MRPL16: variants seen among roughly 807,000 people sequenced by gnomAD.
The protein encoded by MRPL16 is large ribosomal subunit protein uL16m.
Under a neutral mutation model 22.7 loss-of-function variants are expected in MRPL16, and 17 were observed. The observed-to-expected ratio is 0.75, with a 90% CI of 0.51 to 1.12. MRPL16 has a LOEUF of 1.12. Ranked by LOEUF, MRPL16 falls within the 50% of genes most tolerant of loss-of-function variation. The pLI is 0.00. For synonymous variants in MRPL16, 103 were observed against 112.8 expected (o/e 0.91, Z 0.55); for missense variants, 316 against 328.7 (o/e 0.96, Z 0.30).
At chr11:59,810,506 G>C (rs1239435323) in intron 1 of MRPL16, 98 bp downstream of exon 1, 1 of 1,569,794 alleles carries the variant, frequency 6.4e-7, no homozygotes, top group Non-Finnish European at 8.7e-7. Flanking sequence ...GCTTCACCAA[G>C]CATATGCAGA....
rs1468474970 is a variant in MRPL16 at position 59,808,850 on chromosome 11, CAT to C, written c.121+1003_122-1002del. On this transcript the variant is annotated intron_variant, in intron 2 of 3. Coordinates refer to ENST00000300151, the MANE Select transcript of MRPL16 (RefSeq NM_017840.4). ...TGGGTGGGCAAAACTTCAGGCCAGACATGTGACATCTTCTTTATCATCCTTAC... is the reference window on the plus strand; with the variant it reads ...TGGGTGGGCAAAACTTCAGGCCAGACGTGACATCTTCTTTATCATCCTTAC... 30 of 152,316 alleles carry C rather than the reference CAT, an allele frequency of 2.0e-4. No individual in the cohort carries two copies. The South Asian group carries it at 2.5e-3, about 13-fold the overall frequency. The allele number at this position is 152,316 out of a possible 1,614,324, so 9.4% of individuals were successfully genotyped here.
At chr11:59,810,560 A>T (rs745476888) in intron 1 of MRPL16, 44 bp downstream of exon 1, 5 of 1,611,384 alleles carry the variant, frequency 3.1e-6, no homozygotes, top group South Asian at 1.1e-5. Context: ...AGGGTGGGGG[A>T]GGAAGAGGGG....
At position 59,806,322 on chromosome 11, in the gene MRPL16, T is replaced by C; in HGVS notation, c.*25A>G. 6.2e-7 allele frequency: 1 copy of C among 1,607,114 alleles called. No individual in the cohort carries two copies. The highest frequency in any genetic ancestry group is 2.2e-5 in the East Asian group (1 of 44,714). ...ATGCAGAATCCTTCTTTCAGTAGCC[T>C]ATATACAGTTATCTCCTACACTCAC... On this transcript the variant is annotated 3_prime_UTR_variant, in exon 4 of 4. Transcript: ENST00000300151.
chr11:59,810,220 G>C, intron 1 of MRPL16: 2 of 998,816 alleles, frequency 2.0e-6, no homozygotes, highest in Non-Finnish European at 1.3e-6. Context: ...TGTTGGCCAG[G>C]CTGGTTTCAA....
At chr11:59,810,456 G>T (rs185773717) in intron 1 of MRPL16, 148 bp downstream of exon 1, 3 of 1,485,062 alleles carry the variant, frequency 2.0e-6, no homozygotes, top group East Asian at 4.7e-5. Context: ...GAACCCCTAC[G>T]GTGGAGGTCG....
chr11:59,807,645 G>C, intron 3 of MRPL16, 56 bp downstream of exon 3: 1 of 1,548,478 alleles, frequency 6.5e-7, no homozygotes, highest in Non-Finnish European at 8.7e-7. Context: ...AGGAGTATGA[G>C]ATTTTGTTAT....
intron 3 of MRPL16, chr11:59,807,141 T>C: frequency 3.2e-6 from 1 of 314,128 alleles, no homozygotes; most frequent in Non-Finnish European, 5.9e-6. Flanking sequence ...GTGGAGGCCC[T>C]GGCACAGCAG....
chr11:59,810,589 A>C lies in MRPL16; in HGVS notation c.55+15T>G, dbSNP rs1866164090. The C allele has an allele frequency of 6.2e-7, 1 of 1,614,070 alleles. No individual in the cohort carries two copies. Among genetic ancestry groups the C allele is most frequent in the East Asian group, 2.2e-5 (1 of 44,876 alleles). Reference sequence around the variant, plus strand: ...AGAGGGGTAAAGTCTTTAGGAACCAAAAGGGACTTCTGACCTGACAAGGGC... The same window carrying C: ...AGAGGGGTAAAGTCTTTAGGAACCACAAGGGACTTCTGACCTGACAAGGGC... On this transcript the variant is annotated intron_variant, in intron 1 of 3. Transcript: ENST00000300151.
Position 59,810,739 on chromosome 11 carries a change from T to G in MRPL16, c.-81A>C. On this transcript the variant is annotated 5_prime_UTR_variant, in exon 1 of 4. Coordinates refer to ENST00000300151, the MANE Select transcript of MRPL16 (RefSeq NM_017840.4). ...ACCCAGGTAAGCAGCGGCGCTCCAC[T>G]ACCTAGCTGTAATCGGCTCAGGACA... The G allele has an allele frequency of 6.6e-7, 1 of 1,526,572 alleles. No homozygotes were observed. Among genetic ancestry groups the G allele is most frequent in the Non-Finnish European group, 9.1e-7 (1 of 1,104,238 alleles). 94.6% of individuals were successfully genotyped at this position (1,526,572 alleles called of 1,614,324 possible).
chr11:59,807,549 C>A, intron 3 of MRPL16, 152 bp downstream of exon 3: 1 of 670,090 alleles, frequency 1.5e-6, no homozygotes. Flanking sequence ...TTACTGGGTA[C>A]CCAGTAGCCT....
chr11:59,810,639 C>T lies in MRPL16; in HGVS notation c.20G>A (p.Arg7His). The T allele has an allele frequency of 1.2e-6, 2 of 1,614,146 alleles. No individual in the cohort carries two copies. The highest frequency in any genetic ancestry group is 1.7e-6 in the Non-Finnish European group (2 of 1,179,984). Residue 7 changes from arginine to histidine, a missense_variant, in exon 1 of 4, where the codon CGC (arginine) becomes CAC (histidine). Transcript: ENST00000300151. MWRLLA[R>H]ASAPLLRVPL... is the part of the protein sequence containing the mutation. ...CACCCGCAGGAGCGGCGCACTAGCG[C>T]GAGCCAGCAGCCTCCACATGGTCAC...
Position 59,806,677 on chromosome 11 carries a change from T to C in MRPL16, c.426A>G (p.Gly142=). ...CGTAGTGGTCAATAGCACCTTTGCC[T>C]CCCCCCATGCGATGCCCAACACTTT... ...TRKSVGHRMG[G]GKGAIDHYVT... The change falls in exon 4 of 4, where the codon GGA becomes GGG. Residue 142 remains glycine (G), a synonymous_variant. Transcript: ENST00000300151. The C allele has an allele frequency of 6.2e-7, 1 of 1,614,046 alleles. No individual in the cohort carries two copies. Among genetic ancestry groups the C allele is most frequent in the Non-Finnish European group, 8.5e-7 (1 of 1,180,014 alleles).
rs1261478159 is a variant in MRPL16 at position 59,806,702 on chromosome 11, T to C, written c.401A>G (p.Lys134Arg). ...VPAPFKPITR[K>R]SVGHRMGGGK... ...TCCCCCCATGCGATGCCCAACACTT[T>C]TGCGAGTGATGGGCTTGAAAGGGGC... Residue 134 changes from lysine to arginine, a missense_variant, in exon 4 of 4, where the codon AAA becomes AGA. Physicochemically the swap from Lys to Arg is conservative, Grantham distance 26. Coordinates refer to ENST00000300151, the MANE Select transcript of MRPL16 (RefSeq NM_017840.4). 6.2e-7 allele frequency: 1 copy of C among 1,614,204 alleles called. No homozygotes were observed. Among genetic ancestry groups the C allele is most frequent in the Non-Finnish European group, 8.5e-7 (1 of 1,180,034 alleles).
Position 59,806,206 on chromosome 11 carries a change from T to G in MRPL16, c.*141A>C. The G allele has an allele frequency of 1.1e-6, 1 of 897,642 alleles. No homozygotes were observed. The highest frequency in any genetic ancestry group is 1.7e-6 in the Non-Finnish European group (1 of 593,700). 55.6% of individuals were successfully genotyped at this position (897,642 alleles called of 1,614,324 possible). On this transcript the variant is annotated 3_prime_UTR_variant, in exon 4 of 4. Transcript: ENST00000300151. ...TTTCTTTTTAAATCAACAAATAACA[T>G]TGTTTTTCAGAAATCTACTCAAATG...
rs773020414 is a variant in MRPL16 at position 59,806,324 on chromosome 11, T to C, written c.*23A>G. ...GCAGAATCCTTCTTTCAGTAGCCTATATACAGTTATCTCCTACACTCACTA... is the reference window on the plus strand; with the variant it reads ...GCAGAATCCTTCTTTCAGTAGCCTACATACAGTTATCTCCTACACTCACTA... On this transcript the variant is annotated 3_prime_UTR_variant, in exon 4 of 4. Transcript: ENST00000300151. The C allele has an allele frequency of 6.2e-7, 1 of 1,608,094 alleles. No individual in the cohort carries two copies.
At chr11:59,810,029 G>T (rs1359116544) in intron 1 of MRPL16, 109 bp from the exon 2 acceptor site, 1 of 932,942 alleles carries the variant, frequency 1.1e-6, no homozygotes, top group Non-Finnish European at 1.6e-6. Flanking sequence ...TTTTTGAGAC[G>T]GAGTCTTACT....
rs1391191753 is a variant in MRPL16 at position 59,806,336 on chromosome 11, T to G, written c.*11A>C. The G allele has an allele frequency of 6.2e-7, 1 of 1,612,878 alleles. No individual in the cohort carries two copies. The highest frequency in any genetic ancestry group is 1.1e-5 in the South Asian group (1 of 91,020). ...TTTCAGTAGCCTATATACAGTTATCTCCTACACTCACTACACACGTTTGGG... is the reference window on the plus strand; with the variant it reads ...TTTCAGTAGCCTATATACAGTTATCGCCTACACTCACTACACACGTTTGGG... On this transcript the variant is annotated 3_prime_UTR_variant, in exon 4 of 4. Transcript: ENST00000300151.
intron 1 of MRPL16, 83 bp from the exon 2 acceptor site, chr11:59,810,003 T>C: frequency 9.2e-7 from 1 of 1,085,130 alleles, no homozygotes; most frequent in Non-Finnish European, 1.3e-6. Flanking sequence ...TACTTCTTAT[T>C]TTTATTTATT....
intron 2 of MRPL16, 22 bp downstream of exon 2, chr11:59,809,833 C>T (rs757785938): frequency 6.2e-7 from 1 of 1,601,488 alleles, no homozygotes; most frequent in South Asian, 1.1e-5. Context: ...GATTTACGAA[C>T]AGGAGAAAGA....
Sources: gnomAD v4.1 joint callset for allele counts on GRCh38, gnomAD v4.1.1 for gene constraint, MANE v1.5 for transcripts, NCBI Gene and HGNC (gene_info 2026-07-23, HGNC 2026-07-21) for gene names.